RIPOR2: variants seen among roughly 807,000 people sequenced by gnomAD.
RIPOR2 encodes the protein rho family-interacting cell polarization regulator 2.
A neutral mutation model predicts 114.5 loss-of-function variants in RIPOR2; 39 were observed. That is an observed-to-expected ratio of 0.34 (90% CI 0.26 to 0.44). The LOEUF (loss-of-function observed/expected upper bound fraction) is 0.44. RIPOR2 is among the 20% of genes least tolerant of loss of function. The pLI, the probability that RIPOR2 is intolerant of heterozygous loss-of-function variation, is 1.00. For missense variants in RIPOR2, 1,007 were observed against 1,255.1 expected, an observed-to-expected ratio of 0.80 and a Z score of 2.99; for synonymous variants, 445 against 484.4, an observed-to-expected ratio of 0.92 and a Z score of 1.07.
At chr6:24,820,135 C>T (rs536032235) in intron 19 of RIPOR2, among the ~76,000 whole-genome samples, 14 of 152,202 alleles carry the variant, frequency 9.2e-5, no homozygotes, top group East Asian at 3.9e-4. Context: ...CGGGTTCAAG[C>T]GATTCTCCTG....
chr6:24,849,139 A>C (rs531449171), intron 11 of RIPOR2, among the ~76,000 whole-genome samples: 3 of 152,280 alleles, frequency 2.0e-5, no homozygotes, highest in African/African-American at 7.2e-5. Context: ...TCCTGACCTC[A>C]GCTGATCCAC....
intron 1 of RIPOR2, among the ~76,000 whole-genome samples, chr6:24,916,395 C>T (rs1402844075): frequency 6.6e-6 from 1 of 152,194 alleles, no homozygotes; most frequent in Non-Finnish European, 1.5e-5. Flanking sequence ...CACTTCTCCT[C>T]ATTGGTTTAT....
At chr6:24,873,431 C>G (rs1765407000) in intron 3 of RIPOR2, among the ~76,000 whole-genome samples, 2 of 152,206 alleles carry the variant, frequency 1.3e-5, no homozygotes, top group South Asian at 4.1e-4. Flanking sequence ...CAATACTGCA[C>G]AGGGTTCCAG....
chr6:24,948,740 A>C (rs1772593354), intron 1 of RIPOR2, among the ~76,000 whole-genome samples: 1 of 152,150 alleles, frequency 6.6e-6, no homozygotes, highest in African/African-American at 2.4e-5. Context: ...CATGTTGGTC[A>C]GGCTGGTCTC....
At chr6:24,835,650 C>T (rs1761048662) in intron 15 of RIPOR2, 53 bp downstream of exon 15, 4 of 1,505,126 alleles carry the variant, frequency 2.7e-6, no homozygotes, top group Admixed American at 3.9e-5. Flanking sequence ...AAGCACACTT[C>T]CTGGTATGTA....
In RIPOR2 at chr6:25,037,396, A is replaced by C. The variant is rs1777295870; in HGVS notation, c.76+4455T>G. ...CCCCTCATTCCCGTGCCCTGCCCTG[A>C]CCCTGCTGTCATCATGTAGAAGGCC... On this transcript the variant is annotated intron_variant, in intron 1 of 13. Transcript: ENST00000510784. This position sits in a 1 kb window ranked among gnomAD's most constrained non-coding sequence, Gnocchi z 4.5. Among the ~76,000 whole-genome samples, 1 of 152,014 alleles carries C rather than the reference A, an allele frequency of 6.6e-6. No individual in the cohort carries two copies. The highest frequency in any genetic ancestry group is 2.4e-5 in the African/African-American group (1 of 41,440).
intron 1 of RIPOR2, among the ~76,000 whole-genome samples, chr6:24,900,556 G>A (rs1231452174): frequency 6.6e-6 from 1 of 152,012 alleles, no homozygotes; most frequent in Non-Finnish European, 1.5e-5. Flanking sequence ...CCAGGAGTTC[G>A]AGACCAGCCT....
intron 1 of RIPOR2, among the ~76,000 whole-genome samples, chr6:24,952,790 A>G (rs1408206602): frequency 6.6e-6 from 1 of 152,256 alleles, no homozygotes; most frequent in African/African-American, 2.4e-5. Context: ...ACCACTAGAC[A>G]GAAAGAAACA....
At chr6:24,929,737 A>G (rs1245259340) in intron 1 of RIPOR2, among the ~76,000 whole-genome samples, 1 of 152,214 alleles carries the variant, frequency 6.6e-6, no homozygotes, top group African/African-American at 2.4e-5. Context: ...ATCCGAAAAT[A>G]AATGAGAAGT....
chr6:24,850,556 C>T (rs200114300), intron 10 of RIPOR2, 41 bp downstream of exon 10: 78 of 1,611,614 alleles, frequency 4.8e-5, no homozygotes, highest in Non-Finnish European at 5.6e-5. Context: ...ATCATCCAGC[C>T]GTGGCACCAG....
intron 1 of RIPOR2, among the ~76,000 whole-genome samples, chr6:25,002,038 T>G (rs1775345999): frequency 6.6e-6 from 1 of 152,162 alleles, no homozygotes; most frequent in Non-Finnish European, 1.5e-5. Flanking sequence ...ATGCAACTAT[T>G]CAGCTCTACC....
chr6:24,964,147 C>G (rs961208954), intron 1 of RIPOR2, among the ~76,000 whole-genome samples: 2 of 146,710 alleles, frequency 1.4e-5, no homozygotes, highest in East Asian at 2.0e-4. Flanking sequence ...GACATTGGCT[C>G]TGTGTGTGTG....
chr6:24,873,354 G>T (rs1310968666), intron 3 of RIPOR2, among the ~76,000 whole-genome samples: 2 of 152,182 alleles, frequency 1.3e-5, no homozygotes, highest in Non-Finnish European at 2.9e-5. Context: ...TATCAGGGAG[G>T]TTTCAGAACC....
intron 1 of RIPOR2, among the ~76,000 whole-genome samples, chr6:24,921,691 T>C (rs1770510960): frequency 6.6e-6 from 1 of 150,838 alleles, no homozygotes; most frequent in East Asian, 2.0e-4. Flanking sequence ...TATAGGCTTG[T>C]CTATTGTCTG....
At chr6:24,826,085 C>T (rs778671316) in intron 18 of RIPOR2, among the ~76,000 whole-genome samples, 2 of 151,838 alleles carry the variant, frequency 1.3e-5, no homozygotes, top group Non-Finnish European at 2.9e-5. Context: ...TGCCACCACG[C>T]CTGGCTAATT....
chr6:24,960,222 T>C (rs113791834), intron 1 of RIPOR2, among the ~76,000 whole-genome samples: 7 of 152,168 alleles, frequency 4.6e-5, no homozygotes, highest in Non-Finnish European at 1.0e-4. Context: ...GGGTAATTTA[T>C]AAATTATAGA....
chr6:24,847,976 C>T, intron 12 of RIPOR2, 49 bp downstream of exon 12: 2 of 1,611,324 alleles, frequency 1.2e-6, no homozygotes, highest in Non-Finnish European at 1.7e-6. Context: ...TGGGTGCAAG[C>T]ACTGGCTCAG....
At chr6:24,990,042 A>T (rs1032688977) in intron 1 of RIPOR2, among the ~76,000 whole-genome samples, 1 of 152,186 alleles carries the variant, frequency 6.6e-6, no homozygotes. Context: ...AAAAATAAAA[A>T]AAAATAAAAA....
At chr6:24,941,264 C>G (rs764121436) in intron 1 of RIPOR2, among the ~76,000 whole-genome samples, 2 of 152,022 alleles carry the variant, frequency 1.3e-5, no homozygotes, top group African/African-American at 2.4e-5. Context: ...AGGAGAAGAA[C>G]CCAGCAAACG....
Sources: allele counts gnomAD v4.1 joint callset (sites outside exome capture counted in the v4.1 genomes callset), GRCh38; gene constraint gnomAD v4.1.1; non-coding constraint Gnocchi (gnomAD v3.1); transcripts MANE v1.5; gene names NCBI Gene and HGNC (gene_info 2026-07-23, HGNC 2026-07-21).